The following KAZN variants were observed in gnomAD, a reference collection of about 807,000 sequenced individuals.
KAZN encodes kazrin, periplakin interacting protein.
A neutral mutation model predicts 87.4 loss-of-function variants in KAZN; 40 were observed. That is an observed-to-expected ratio of 0.46 (90% CI 0.36 to 0.60). KAZN has a LOEUF of 0.60. KAZN is among the 20% of genes least tolerant of loss of function. The pLI is 0.00. For missense variants in KAZN, 898 were observed against 1,073.9 expected (o/e 0.84, Z 2.29); for synonymous variants, 466 against 458.3 (o/e 1.02, Z -0.22).
intron 1 of KAZN, among the ~76,000 whole-genome samples, chr1:13,994,590 T>C (rs1158578706): frequency 6.6e-6 from 1 of 152,156 alleles, no homozygotes; most frequent in Non-Finnish European, 1.5e-5. Context: ...AAAACAGTCT[T>C]TGTTCCTAGG....
chr1:15,000,154 G>GCCTCT (rs1557702172), intron 2 of KAZN, among the ~76,000 whole-genome samples: 8 of 151,614 alleles, frequency 5.3e-5, no homozygotes, highest in African/African-American at 1.7e-4. Flanking sequence ...ATGTGAGACT[G>GCCTCT]GAAAAAGGTC....
At chr1:14,521,359 G>T (rs966793736) in intron 2 of KAZN, among the ~76,000 whole-genome samples, 2 of 152,158 alleles carry the variant, frequency 1.3e-5, no homozygotes, top group Admixed American at 1.3e-4. Context: ...TCAGAATTGG[G>T]TCTGCTGTCC....
chr1:14,829,289 T>C (rs908854402), intron 1 of KAZN, among the ~76,000 whole-genome samples: 2 of 152,224 alleles, frequency 1.3e-5, no homozygotes, highest in Non-Finnish European at 2.9e-5. Context: ...AATCAGTATC[T>C]AGTGGATATG....
intron 1 of KAZN, among the ~76,000 whole-genome samples, chr1:14,754,271 A>AT (rs1266683041): frequency 6.6e-6 from 1 of 152,112 alleles, no homozygotes; most frequent in Non-Finnish European, 1.5e-5. Flanking sequence ...CAGTGGAGGG[A>AT]TTTTGTTGCA....
chr1:15,024,535 A>G (rs139087617), intron 2 of KAZN, among the ~76,000 whole-genome samples: 175 of 152,374 alleles, frequency 1.1e-3, no homozygotes, highest in Middle Eastern at 3.4e-3. Flanking sequence ...GAAAAATTCA[A>G]TAGAGGGCAC....
At chr1:13,909,954 T>C (rs1267545358) in intron 1 of KAZN, among the ~76,000 whole-genome samples, 1 of 152,136 alleles carries the variant, frequency 6.6e-6, no homozygotes, top group Admixed American at 6.5e-5. Context: ...ATCTCACTCC[T>C]GAGTGGAGAA....
rs561244726 is a variant in KAZN at position 13,953,429 on chromosome 1, G to A, written c.91+59673G>A. On this transcript the variant is annotated intron_variant, in intron 1 of 16. Transcript: ENST00000636203. ...TGAACTGAGTGAGTTCCATGTCCAA[G>A]TTTTATCTTCACCTCAAAATTGAAT... is the stretch of plus-strand genomic sequence containing the variant. 3.3e-4 allele frequency among the ~76,000 whole-genome samples: 51 copies of A among 152,256 alleles called. No homozygotes were observed. In the South Asian group the frequency reaches 0.011, roughly 32 times the overall value.
At chr1:14,943,005 GTGGTGTGT>G (rs1557644741) in intron 1 of KAZN, among the ~76,000 whole-genome samples, 2 of 113,244 alleles carry the variant, frequency 1.8e-5, no homozygotes, top group Admixed American at 9.1e-5. Context: ...GTGTGTGTGT[GTGGTGTGT>G]GTGTGTGTGT....
At chr1:14,794,692 T>C (rs1487030823) in intron 1 of KAZN, among the ~76,000 whole-genome samples, 1 of 152,224 alleles carries the variant, frequency 6.6e-6, no homozygotes, top group African/African-American at 2.4e-5. Context: ...AGTAAGTACT[T>C]CACAGGCTGT....
At chr1:14,565,352 C>A (rs10754861) in intron 2 of KAZN, among the ~76,000 whole-genome samples, 146,329 of 152,280 alleles carry the variant, frequency 0.96, 70,569 homozygotes, top group East Asian at 1. Flanking sequence ...AGTGTGCAAT[C>A]GCGTATGTCT....
At chr1:14,337,052 C>T (rs1353717147) in intron 2 of KAZN, among the ~76,000 whole-genome samples, 1 of 152,134 alleles carries the variant, frequency 6.6e-6, no homozygotes, top group African/African-American at 2.4e-5. Context: ...GAACAGGTTC[C>T]AAGTGGGAAA....
chr1:14,577,291 C>T (rs890691572), intron 2 of KAZN, among the ~76,000 whole-genome samples: 9 of 152,158 alleles, frequency 5.9e-5, no homozygotes, highest in Admixed American at 1.3e-4. Context: ...GCTTTTCAAG[C>T]TGGTTTCTGG....
intron 2 of KAZN, among the ~76,000 whole-genome samples, chr1:14,374,044 C>T (rs1465308348): frequency 2.0e-5 from 3 of 152,140 alleles, no homozygotes; most frequent in African/African-American, 7.2e-5. Context: ...CGTTCATGTC[C>T]ATCAGTAGTT....
At chr1:14,745,739 G>A (rs115854354) in intron 1 of KAZN, among the ~76,000 whole-genome samples, 16 of 152,278 alleles carry the variant, frequency 1.1e-4, no homozygotes, top group African/African-American at 2.6e-4. Context: ...TAAGATCAAC[G>A]ACTGATCCAT....
At chr1:14,451,090 A>G (rs1265183343) in intron 2 of KAZN, among the ~76,000 whole-genome samples, 1 of 152,084 alleles carries the variant, frequency 6.6e-6, no homozygotes, top group African/African-American at 2.4e-5. Context: ...GCCTCCCCAG[A>G]AGCTGAGCAG....
At chr1:14,883,397 A>AAGAAAGAAAGAG (rs1400379366) in intron 1 of KAZN, among the ~76,000 whole-genome samples, 1 of 142,910 alleles carries the variant, frequency 7.0e-6, no homozygotes, top group African/African-American at 2.8e-5. Flanking sequence ...GAAAGAAAGA[A>AAGAAAGAAAGAG]AGAAAGAAAG....
At chr1:14,905,805 T>C (rs573722975) in intron 1 of KAZN, among the ~76,000 whole-genome samples, 4 of 150,482 alleles carry the variant, frequency 2.7e-5, no homozygotes, top group African/African-American at 9.8e-5. Context: ...ATGGCACCAC[T>C]GCACTCCAGC....
chr1:14,320,867 T>C (rs768026017), intron 2 of KAZN, among the ~76,000 whole-genome samples: 1 of 152,218 alleles, frequency 6.6e-6, no homozygotes, highest in Non-Finnish European at 1.5e-5. Flanking sequence ...TAGTCCTCCA[T>C]GTCCATGGGA....
At chr1:14,415,045 G>GTACA (rs1664635197) in intron 2 of KAZN, among the ~76,000 whole-genome samples, 1 of 151,910 alleles carries the variant, frequency 6.6e-6, no homozygotes. Flanking sequence ...AAATACGTAC[G>GTACA]TACATACATA....
Sources: gnomAD v4.1 joint callset for allele counts (sites outside exome capture counted in the v4.1 genomes callset) on GRCh38, gnomAD v4.1.1 for gene constraint, MANE v1.5 for transcripts, NCBI Gene and HGNC (gene_info 2026-07-23, HGNC 2026-07-21) for gene names.